Variants in HS6ST3 observed in about 807,000 individuals in gnomAD.
The protein encoded by HS6ST3 is heparan sulfate 6-O-sulfotransferase 3.
In HS6ST3, 12 loss-of-function variants were observed where a neutral mutation model predicts 36.7. The ratio of observed to expected loss-of-function variants is 0.33; its 90% CI spans 0.21 to 0.53. The LOEUF (loss-of-function observed/expected upper bound fraction) is 0.53, where lower values mean the gene tolerates loss of function less well. Ranked by LOEUF, HS6ST3 falls within the 20% of genes least tolerant of loss-of-function variation. The pLI, the probability that HS6ST3 is intolerant of heterozygous loss-of-function variation, is 0.95. For missense variants in HS6ST3, 584 were observed against 640.9 expected (o/e 0.91, Z 0.96); for synonymous variants, 240 against 257.5 (o/e 0.93, Z 0.65).
chr13:96,257,793 A>G (rs9516652), intron 1 of HS6ST3, among the ~76,000 whole-genome samples: 69,656 of 152,052 alleles, frequency 0.46, 16,782 homozygotes, highest in Admixed American at 0.57. Flanking sequence ...AGTGAGTGCT[A>G]TAGACAGCAC....
Position 96,090,749 on chromosome 13 carries a change from A to T in HS6ST3, c.-114A>T. Reference sequence around the variant, plus strand: ...ACACGCCTCGGCGTCAGGGGCATGGAGGAACGGCGGGCTCCGAGCCGCGCC... The same window carrying T: ...ACACGCCTCGGCGTCAGGGGCATGGTGGAACGGCGGGCTCCGAGCCGCGCC... On this transcript the variant is annotated 5_prime_UTR_variant, in exon 1 of 2. Coordinates refer to ENST00000376705, the MANE Select transcript of HS6ST3 (RefSeq NM_153456.4). The T allele has an allele frequency of 1.3e-6, 1 of 778,276 alleles. No individual in the cohort carries two copies. The highest frequency in any genetic ancestry group is 1.7e-6 in the Non-Finnish European group (1 of 577,664). 48.2% of individuals were successfully genotyped at this position (778,276 alleles called of 1,614,324 possible).
intron 1 of HS6ST3, among the ~76,000 whole-genome samples, chr13:96,184,221 A>AAGAGAGAGAGAGAGAG (rs1555389927): frequency 7.0e-4 from 43 of 61,010 alleles, no homozygotes; most frequent in African/African-American, 3.0e-3. Flanking sequence ...AAAAAAAAAA[A>AAGAGAGAGAGAGAGAG]AGAGAGAGAG....
At chr13:96,106,312 G>A (rs1436850943) in intron 1 of HS6ST3, among the ~76,000 whole-genome samples, 1 of 152,158 alleles carries the variant, frequency 6.6e-6, no homozygotes, top group Non-Finnish European at 1.5e-5. Context: ...GGTTATAAAA[G>A]GACTGTGGCT....
At chr13:96,383,045 C>T (rs544898834) in intron 1 of HS6ST3, among the ~76,000 whole-genome samples, 1 of 152,258 alleles carries the variant, frequency 6.6e-6, no homozygotes, top group South Asian at 2.1e-4. Flanking sequence ...CAACTTACCT[C>T]CACACTGTGG....
intron 1 of HS6ST3, among the ~76,000 whole-genome samples, chr13:96,817,481 A>G (rs2138539616): frequency 6.6e-6 from 1 of 152,326 alleles, no homozygotes; most frequent in Non-Finnish European, 1.5e-5. Flanking sequence ...TGATTTGTGG[A>G]AATTAATTAC....
chr13:96,348,287 A>T (rs1215566292), intron 1 of HS6ST3, among the ~76,000 whole-genome samples: 1 of 152,234 alleles, frequency 6.6e-6, no homozygotes, highest in Non-Finnish European at 1.5e-5. Flanking sequence ...AACATTCAAA[A>T]TTCATTAGAG....
intron 1 of HS6ST3, among the ~76,000 whole-genome samples, chr13:96,362,264 G>A (rs1370674984): frequency 1.3e-5 from 2 of 150,218 alleles, no homozygotes; most frequent in African/African-American, 2.4e-5. Flanking sequence ...ATTTAATAAC[G>A]ATTTCTAACA....
intron 1 of HS6ST3, among the ~76,000 whole-genome samples, chr13:96,697,358 C>T (rs1875157109): frequency 6.6e-6 from 1 of 151,696 alleles, no homozygotes; most frequent in South Asian, 2.1e-4. Context: ...GATATTAGGA[C>T]CAATCCATGT....
At chr13:96,133,528 T>A (rs1285076093) in intron 1 of HS6ST3, among the ~76,000 whole-genome samples, 1 of 152,088 alleles carries the variant, frequency 6.6e-6, no homozygotes, top group African/African-American at 2.4e-5. Context: ...GTTCAAAGGA[T>A]TCTCCTGCCA....
intron 1 of HS6ST3, among the ~76,000 whole-genome samples, chr13:96,627,264 G>A (rs1277263439): frequency 6.6e-6 from 1 of 151,978 alleles, no homozygotes; most frequent in Non-Finnish European, 1.5e-5. Context: ...TTTAACCAAT[G>A]CTTTTGTGCA....
chr13:96,761,291 C>G (rs1451913707), intron 1 of HS6ST3, among the ~76,000 whole-genome samples: 2 of 151,996 alleles, frequency 1.3e-5, no homozygotes, highest in Non-Finnish European at 2.9e-5. Flanking sequence ...ATATAATTAA[C>G]TATCGTGATG....
At position 96,833,216 on chromosome 13, in the gene HS6ST3, T is replaced by G; in HGVS notation, c.*18T>G. 1 of 1,489,336 alleles carries G rather than the reference T, an allele frequency of 6.7e-7. No homozygotes were observed. Among genetic ancestry groups the G allele is most frequent in the South Asian group, 1.3e-5 (1 of 75,466 alleles). 92.3% of individuals were successfully genotyped at this position (1,489,336 alleles called of 1,614,324 possible). On this transcript the variant is annotated 3_prime_UTR_variant, in exon 2 of 2. Coordinates refer to ENST00000376705, the MANE Select transcript of HS6ST3 (RefSeq NM_153456.4). ...GATGGTGACCTCCTGCCCTCTCCTC[T>G]CTCAGGAGGGGGAGGGTGAGCAGGC...
At chr13:96,112,580 TA>T (rs1438976607) in intron 1 of HS6ST3, among the ~76,000 whole-genome samples, 1 of 33,760 alleles carries the variant, frequency 3.0e-5, no homozygotes, top group Non-Finnish European at 6.1e-5. Context: ...AATAAATAAA[TA>T]TATATATATA....
chr13:96,728,489 A>G lies in HS6ST3; in HGVS notation c.708-104001A>G, dbSNP rs537275012. The stretch of plus-strand genomic sequence containing the variant: ...AATATTTATAAGAAATGTTTTTTCT[A>G]ACATTTAATGACGTCTATTCCCGAA... On this transcript the variant is annotated intron_variant, in intron 1 of 1. Coordinates refer to ENST00000376705, the MANE Select transcript of HS6ST3 (RefSeq NM_153456.4). Among the ~76,000 whole-genome samples the G allele has an allele frequency of 1.2e-3, 188 of 152,350 alleles. 1 individual carries two copies. The highest frequency in any genetic ancestry group is 2.3e-3 in the Non-Finnish European group (156 of 68,018).
chr13:96,757,639 T>A (rs932145537), intron 1 of HS6ST3, among the ~76,000 whole-genome samples: 1 of 152,140 alleles, frequency 6.6e-6, no homozygotes, highest in Admixed American at 6.5e-5. Flanking sequence ...CCGATTGATG[T>A]TTCTTTCTAT....
chr13:96,573,724 A>G (rs1169317011), intron 1 of HS6ST3: 1 of 301,710 alleles, frequency 3.3e-6, no homozygotes, highest in African/African-American at 2.3e-5. Flanking sequence ...CACAGTCACA[A>G]GAATGAGTCC....
chr13:96,304,161 A>AT (rs1414249350), intron 1 of HS6ST3, among the ~76,000 whole-genome samples: 1 of 135,892 alleles, frequency 7.4e-6, no homozygotes, highest in East Asian at 2.1e-4. Flanking sequence ...AAAAAATGTG[A>AT]TTTTTACCTT....
At chr13:96,207,127 T>C (rs977081925) in intron 1 of HS6ST3, among the ~76,000 whole-genome samples, 1 of 151,788 alleles carries the variant, frequency 6.6e-6, no homozygotes, top group African/African-American at 2.4e-5. Flanking sequence ...TAAACAACCC[T>C]GTTAAAAAGT....
chr13:96,285,197 TCA>T (rs745719417), intron 1 of HS6ST3, among the ~76,000 whole-genome samples: 14 of 152,214 alleles, frequency 9.2e-5, no homozygotes, highest in Non-Finnish European at 1.8e-4. Flanking sequence ...TCAGTGTGAT[TCA>T]GCTGAAAGAT....
Sources: gnomAD v4.1 joint callset for allele counts (sites outside exome capture counted in the v4.1 genomes callset) on GRCh38, gnomAD v4.1.1 for gene constraint, MANE v1.5 for transcripts, NCBI Gene and HGNC (gene_info 2026-07-23, HGNC 2026-07-21) for gene names.